Variants in TGFA observed in about 807,000 individuals in gnomAD.
TGFA encodes transforming growth factor alpha, also known as protransforming growth factor alpha.
In TGFA, 12 loss-of-function variants were observed where a neutral mutation model predicts 21.7. That is an observed-to-expected ratio of 0.55 (90% CI 0.35 to 0.90). The LOEUF (loss-of-function observed/expected upper bound fraction) is 0.90, where lower values mean the gene tolerates loss of function less well. Among genes scored for constraint, TGFA ranks in the 40% least tolerant of loss-of-function variants. The probability of loss-of-function intolerance (pLI) is 0.01; values close to 1 mark genes in which losing one functional copy is unlikely to be tolerated. For missense variants in TGFA, 178 were observed against 210.8 expected (o/e 0.84, Z 0.96); for synonymous variants, 79 against 88.1 (o/e 0.90, Z 0.58).
At chr2:70,481,322 T>C (rs1254431332) in intron 2 of TGFA, among the ~76,000 whole-genome samples, 1 of 152,120 alleles carries the variant, frequency 6.6e-6, no homozygotes, top group Admixed American at 6.5e-5. Flanking sequence ...CTGCCCCAAA[T>C]AGAATGAGCT....
At chr2:70,493,175 C>G (rs1369663363) in intron 2 of TGFA, among the ~76,000 whole-genome samples, 1 of 152,194 alleles carries the variant, frequency 6.6e-6, no homozygotes, top group Admixed American at 6.5e-5. Context: ...GCCATATACC[C>G]TGTAGTATCA....
chr2:70,539,116 G>A (rs1466701107), intron 1 of TGFA, among the ~76,000 whole-genome samples: 2 of 152,138 alleles, frequency 1.3e-5, no homozygotes, highest in Non-Finnish European at 2.9e-5. Flanking sequence ...TTTAATTAAG[G>A]TATGTAATTT....
intron 1 of TGFA, among the ~76,000 whole-genome samples, chr2:70,541,339 G>A (rs1307469428): frequency 5.3e-5 from 8 of 152,068 alleles, no homozygotes; most frequent in East Asian, 1.9e-4. Flanking sequence ...TACTGTAAGC[G>A]AAAAGCAGAT....
chr2:70,468,857 T>A (rs1670652293), intron 2 of TGFA, among the ~76,000 whole-genome samples: 1 of 152,150 alleles, frequency 6.6e-6, no homozygotes, highest in African/African-American at 2.4e-5. Flanking sequence ...AATATTACAA[T>A]GTAATAATAA....
intron 1 of TGFA, among the ~76,000 whole-genome samples, chr2:70,528,954 A>G (rs541940669): frequency 6.6e-6 from 1 of 152,302 alleles, no homozygotes; most frequent in African/African-American, 2.4e-5. Context: ...ACAAGAGAGC[A>G]CTGGGTGGGA....
intron 2 of TGFA, among the ~76,000 whole-genome samples, chr2:70,506,510 C>A (rs961678072): frequency 1.3e-5 from 2 of 152,142 alleles, no homozygotes; most frequent in African/African-American, 2.4e-5. Context: ...AAATGTAAGA[C>A]CACTACCATA....
At chr2:70,527,509 T>C (rs1225311056) in intron 1 of TGFA, among the ~76,000 whole-genome samples, 2 of 152,210 alleles carry the variant, frequency 1.3e-5, no homozygotes, top group Admixed American at 6.5e-5. Flanking sequence ...TGTACAATAC[T>C]ATAATGGTGG....
intron 2 of TGFA, among the ~76,000 whole-genome samples, chr2:70,481,146 T>A (rs1671108204): frequency 6.6e-6 from 1 of 152,122 alleles, no homozygotes; most frequent in African/African-American, 2.4e-5. Flanking sequence ...TTTCACAAAA[T>A]TCTCCCCTAG....
chr2:70,473,979 G>A (rs1670851716), intron 2 of TGFA, among the ~76,000 whole-genome samples: 1 of 152,152 alleles, frequency 6.6e-6, no homozygotes, highest in African/African-American at 2.4e-5. Context: ...TTTACTGAGA[G>A]AACTCCTATG....
intron 5 of TGFA, chr2:70,451,851 A>G: frequency 1.5e-6 from 1 of 667,860 alleles, no homozygotes; most frequent in South Asian, 1.6e-5. Context: ...GCAGGCTGTC[A>G]TCAGACTCAG....
At chr2:70,520,517 A>G (rs1672413984) in intron 1 of TGFA, among the ~76,000 whole-genome samples, 2 of 152,010 alleles carry the variant, frequency 1.3e-5, no homozygotes, top group Admixed American at 1.3e-4. Flanking sequence ...CCCACTCCAA[A>G]AAAAAAAAAT....
At chr2:70,475,711 A>C (rs1336405073) in intron 2 of TGFA, among the ~76,000 whole-genome samples, 1 of 152,164 alleles carries the variant, frequency 6.6e-6, no homozygotes, top group East Asian at 1.9e-4. Context: ...GGCTTTGGGA[A>C]ATTAAAATAA....
At chr2:70,461,429 T>C (rs1670403740) in intron 3 of TGFA, among the ~76,000 whole-genome samples, 1 of 152,206 alleles carries the variant, frequency 6.6e-6, no homozygotes, top group Admixed American at 6.5e-5. Context: ...CTGATGGTGG[T>C]CAGGTCTCTT....
chr2:70,532,865 CTT>C (rs5832016), intron 1 of TGFA, among the ~76,000 whole-genome samples: 23,280 of 144,960 alleles, frequency 0.16, 2,427 homozygotes, highest in East Asian at 0.28. Flanking sequence ...TATTCTTTTT[CTT>C]TTTTTTTTTT....
chr2:70,471,417 G>A (rs2103719446), intron 2 of TGFA, among the ~76,000 whole-genome samples: 1 of 151,878 alleles, frequency 6.6e-6, no homozygotes, highest in South Asian at 2.1e-4. Flanking sequence ...GCCAGCTCCA[G>A]GAGGGGCAGC....
At position 70,514,723 on chromosome 2, in the gene TGFA, G is replaced by C. The variant is rs545350722; in HGVS notation, c.94+136C>G. ...GTGAGCGCCTCCTCGCCCCTGAGGA[G>C]GGGGCAGAGAGGACTCCGGGACAGG... On this transcript the variant is annotated intron_variant, in intron 2 of 5. Coordinates refer to ENST00000295400, the MANE Select transcript of TGFA (RefSeq NM_003236.4). 2.5e-5 allele frequency: 23 copies of C among 920,190 alleles called. No homozygotes were observed. In the African/African-American group the frequency reaches 3.4e-4, roughly 14 times the overall value. The allele number at this position is 920,190 out of a possible 1,614,324, so 57.0% of individuals were successfully genotyped here. A position where few individuals can be genotyped will look rare whatever the true frequency, so the allele number is the denominator to read the frequency against.
chr2:70,484,103 AC>A (rs1671204710), intron 2 of TGFA, among the ~76,000 whole-genome samples: 1 of 152,118 alleles, frequency 6.6e-6, no homozygotes. Context: ...ATTGAACTCT[AC>A]CTAGTGTTTC....
chr2:70,475,418 G>A (rs1328036668), intron 2 of TGFA, among the ~76,000 whole-genome samples: 8 of 152,142 alleles, frequency 5.3e-5, no homozygotes, highest in Non-Finnish European at 8.8e-5. Flanking sequence ...TCAATGATGC[G>A]AAGTCAGCAA....
chr2:70,488,020 A>G (rs1358064728), intron 2 of TGFA, among the ~76,000 whole-genome samples: 1 of 152,232 alleles, frequency 6.6e-6, no homozygotes, highest in African/African-American at 2.4e-5. Context: ...GCAATGTATA[A>G]GAATCTCTTA....
Sources: allele counts gnomAD v4.1 joint callset (sites outside exome capture counted in the v4.1 genomes callset), GRCh38; gene constraint gnomAD v4.1.1; transcripts MANE v1.5; gene names NCBI Gene and HGNC (gene_info 2026-07-23, HGNC 2026-07-21).